Variants in SLC12A8 observed in about 807,000 individuals in gnomAD.
SLC12A8 encodes the protein solute carrier family 12 member 8.
Under a neutral mutation model 75.6 loss-of-function variants are expected in SLC12A8, and 69 were observed. The observed-to-expected ratio is 0.91, with a 90% CI of 0.75 to 1.11. The LOEUF is 1.11. SLC12A8 is among the 50% of genes most tolerant of loss of function. The pLI is 0.00. For synonymous variants in SLC12A8, 365 were observed against 372.8 expected, an observed-to-expected ratio of 0.98 and a Z score of 0.24; for missense variants, 877 against 896.7, an observed-to-expected ratio of 0.98 and a Z score of 0.28.
chr3:125,198,333 T>C (rs1579542253), intron 2 of SLC12A8, among the ~76,000 whole-genome samples: 1 of 147,526 alleles, frequency 6.8e-6, no homozygotes, highest in East Asian at 2.0e-4. Context: ...TAAAAGAGAC[T>C]AAAGAGATTG....
intron 12 of SLC12A8, among the ~76,000 whole-genome samples, chr3:125,090,256 TC>T (rs1938553195): frequency 6.6e-6 from 1 of 152,168 alleles, no homozygotes; most frequent in African/African-American, 2.4e-5. Context: ...TTCTAATTAT[TC>T]CCCCTCTGGT....
chr3:125,131,797 G>GAAAGC (rs1933364656), intron 6 of SLC12A8, among the ~76,000 whole-genome samples: 2 of 152,198 alleles, frequency 1.3e-5, no homozygotes, highest in Admixed American at 1.3e-4. Context: ...CTGGACAGGA[G>GAAAGC]TGTCCCCATA....
intron 5 of SLC12A8, among the ~76,000 whole-genome samples, chr3:125,137,484 T>C (rs1351048976): frequency 6.6e-6 from 1 of 152,064 alleles, no homozygotes; most frequent in Non-Finnish European, 1.5e-5. Flanking sequence ...CACTGATGAG[T>C]CTTAAGGAGG....
intron 12 of SLC12A8, among the ~76,000 whole-genome samples, chr3:125,090,966 A>G (rs1377361863): frequency 6.6e-6 from 1 of 151,676 alleles, no homozygotes; most frequent in Admixed American, 6.6e-5. Flanking sequence ...CCATCTTGTT[A>G]TTTGTTTTTT....
intron 2 of SLC12A8, among the ~76,000 whole-genome samples, chr3:125,202,538 T>C (rs1305661898): frequency 6.6e-6 from 1 of 152,130 alleles, no homozygotes; most frequent in Non-Finnish European, 1.5e-5. Context: ...TTTGTCTATA[T>C]CTGACCATGG....
At chr3:125,128,202 A>C (rs1278197554) in intron 6 of SLC12A8, among the ~76,000 whole-genome samples, 3 of 88,236 alleles carry the variant, frequency 3.4e-5, no homozygotes, top group East Asian at 6.8e-4. Flanking sequence ...TTTTTTTGAG[A>C]CGGAGTCTCG....
intron 5 of SLC12A8, among the ~76,000 whole-genome samples, chr3:125,165,310 G>A (rs750615685): frequency 4.1e-4 from 62 of 152,328 alleles, no homozygotes; most frequent in Middle Eastern, 3.4e-3. Context: ...GTCCTGGGAC[G>A]AGCCTTTCCA....
At chr3:125,084,148 C>T (rs1938400059) in intron 13 of SLC12A8, 96 bp from the exon 14 acceptor site, 2 of 948,268 alleles carry the variant, frequency 2.1e-6, no homozygotes, top group African/African-American at 1.7e-5. Flanking sequence ...TATCTGTAAA[C>T]ACACATGTAT....
At chr3:125,194,378 G>A (rs1934966022) in intron 2 of SLC12A8, among the ~76,000 whole-genome samples, 1 of 151,884 alleles carries the variant, frequency 6.6e-6, no homozygotes, top group Admixed American at 6.6e-5. Flanking sequence ...GGTGTTTTTA[G>A]TTCAGAAGGG....
intron 13 of SLC12A8, among the ~76,000 whole-genome samples, chr3:125,087,247 C>T (rs972054661): frequency 1.3e-5 from 2 of 152,024 alleles, no homozygotes; most frequent in Non-Finnish European, 2.9e-5. Flanking sequence ...GGCACGCCAC[C>T]ATGCCCAACT....
chr3:125,191,400 G>T (rs1934906626), intron 2 of SLC12A8, among the ~76,000 whole-genome samples: 1 of 137,494 alleles, frequency 7.3e-6, no homozygotes, highest in African/African-American at 2.7e-5. Context: ...TCTTATGTAG[G>T]TTTGGCAATT....
chr3:125,116,168 G>T (rs886516573), intron 8 of SLC12A8, among the ~76,000 whole-genome samples: 1 of 152,228 alleles, frequency 6.6e-6, no homozygotes, highest in Non-Finnish European at 1.5e-5. Context: ...CCTTTAGGGG[G>T]TGGGTAGTGG....
intron 2 of SLC12A8, among the ~76,000 whole-genome samples, chr3:125,209,334 T>C (rs113252482): frequency 0.026 from 3,964 of 152,228 alleles, 78 homozygotes; most frequent in Admixed American, 0.052. Flanking sequence ...ACCAAAATAA[T>C]CATATCAACT....
chr3:125,190,312 G>A, intron 3 of SLC12A8, 63 bp downstream of exon 3: 1 of 1,579,572 alleles, frequency 6.3e-7, no homozygotes, highest in South Asian at 1.1e-5. Context: ...TAGAATGCAA[G>A]AGTGGCAGAG....
At chr3:125,179,704 TGAGAGAGA>T (rs5852445) in intron 4 of SLC12A8, among the ~76,000 whole-genome samples, 1,829 of 150,370 alleles carry the variant, frequency 0.012, 43 homozygotes, top group African/African-American at 0.041. Context: ...CAATCATTTC[TGAGAGAGA>T]GAGAGAGAGA....
At chr3:125,088,976 T>C (rs899072770) in intron 12 of SLC12A8, among the ~76,000 whole-genome samples, 1 of 152,192 alleles carries the variant, frequency 6.6e-6, no homozygotes, top group South Asian at 2.1e-4. Flanking sequence ...TTGAAAAAAA[T>C]CCATTCCTCC....
Position 125,091,548 on chromosome 3 carries a change from C to T in SLC12A8, c.1812G>A (p.Gly604=), listed in dbSNP as rs1436600119. 1 of 1,611,210 alleles carries T rather than the reference C, an allele frequency of 6.2e-7. No individual in the cohort carries two copies. Among genetic ancestry groups the T allele is most frequent in the Non-Finnish European group, 8.5e-7 (1 of 1,177,556 alleles). ...GTATCACAAACATGATGAGAAGGGA[C>T]CCAACAGCCTGTGAAAACAGAGTAG... is the stretch of plus-strand genomic sequence containing the variant. ...NPWVSLLGAV[G]SLLIMFVIQW... Residue 604 remains glycine, a synonymous_variant, in exon 12 of 14, where the codon GGG becomes GGA. Coordinates refer to ENST00000469902, the MANE Select transcript of SLC12A8 (RefSeq NM_024628.6).
intron 5 of SLC12A8, among the ~76,000 whole-genome samples, chr3:125,150,640 G>A (rs1038883711): frequency 6.6e-6 from 1 of 152,148 alleles, no homozygotes; most frequent in Non-Finnish European, 1.5e-5. Flanking sequence ...AGAGAACATT[G>A]CAAGCCTGAG....
chr3:125,159,756 A>G (rs748298898), intron 5 of SLC12A8, among the ~76,000 whole-genome samples: 15 of 152,222 alleles, frequency 9.9e-5, no homozygotes, highest in Non-Finnish European at 1.9e-4. Flanking sequence ...GGAAAAATAC[A>G]GAGCAGCTCG....
Sources: gnomAD v4.1 joint callset for allele counts (sites outside exome capture counted in the v4.1 genomes callset) on GRCh38, gnomAD v4.1.1 for gene constraint, MANE v1.5 for transcripts, NCBI Gene and HGNC (gene_info 2026-07-23, HGNC 2026-07-21) for gene names.